PHIP: variants seen among roughly 807,000 people sequenced by gnomAD.
The protein encoded by PHIP is PHIP subunit of CUL4-Ring ligase complex.
A neutral mutation model predicts 236.8 loss-of-function variants in PHIP; 54 were observed. The observed-to-expected ratio is 0.23, with a 90% CI of 0.18 to 0.29. The LOEUF is 0.29. Ranked by LOEUF, PHIP falls within the 10% of genes least tolerant of loss-of-function variation. The pLI, the probability that PHIP is intolerant of heterozygous loss-of-function variation, is 1.00. For synonymous variants in PHIP, 756 were observed against 718.9 expected (o/e 1.05, Z -0.83); for missense variants, 1,370 against 2,190.8 (o/e 0.63, Z 7.48).
chr6:78,955,481 G>GTT, intron 33 of PHIP, 132 bp downstream of exon 33: 23 of 453,302 alleles, frequency 5.1e-5, no homozygotes, highest in South Asian at 7.5e-5. Context: ...ACTGCCAGTT[G>GTT]TTTTTTTTTT....
At position 78,943,422 on chromosome 6, in the gene PHIP, G is replaced by A. The variant is rs552933722; in HGVS notation, c.4828+1878C>T. Among the ~76,000 whole-genome samples, 9 of 152,070 alleles carry A rather than the reference G, an allele frequency of 5.9e-5. No individual in the cohort carries two copies. The South Asian group carries it at 1.9e-3, about 32-fold the overall frequency. ...TCATCATATATATTTGATTTCTCTAGGATTCATGAATAAAAAGAAGCAAGG... is the reference window on the plus strand; with the variant it reads ...TCATCATATATATTTGATTTCTCTAAGATTCATGAATAAAAAGAAGCAAGG... On this transcript the variant is annotated intron_variant, in intron 39 of 39. Transcript: ENST00000275034.
chr6:78,957,263 CTT>C (rs1766479911), intron 32 of PHIP: 1 of 151,896 alleles, frequency 6.6e-6, no homozygotes, highest in Non-Finnish European at 1.5e-5. Context: ...TACTGATTCT[CTT>C]TGAAAAAACA....
intron 7 of PHIP, among the ~76,000 whole-genome samples, chr6:79,039,703 GA>G (rs1437114474): frequency 6.6e-6 from 1 of 152,012 alleles, no homozygotes; most frequent in African/African-American, 2.4e-5. Flanking sequence ...GAAAAGGGGG[GA>G]AAACTCTGCT....
intron 32 of PHIP, chr6:78,958,090 A>C (rs1766544169): frequency 6.3e-6 from 1 of 158,738 alleles, no homozygotes; most frequent in African/African-American, 2.4e-5. Flanking sequence ...CCAGATAATT[A>C]TCTCTTCCAC....
chr6:79,065,787 C>CAA (rs2127776161), intron 4 of PHIP, among the ~76,000 whole-genome samples: 1 of 151,820 alleles, frequency 6.6e-6, no homozygotes, highest in African/African-American at 2.4e-5. Context: ...CACACACACA[C>CAA]ACACACACAC....
chr6:79,024,476 C>T (rs982530883), intron 9 of PHIP, among the ~76,000 whole-genome samples: 1 of 152,082 alleles, frequency 6.6e-6, no homozygotes, highest in African/African-American at 2.4e-5. Context: ...GGAGCAAATA[C>T]ACTATTTCCT....
In PHIP at chr6:78,969,873, T is replaced by C; in HGVS notation, c.3167A>G (p.Gln1056Arg). ...CCTGTATTTTGCATCATCAAATTGTTGTCTCAAGACTAGGAAATCTATAAC... is the reference window on the plus strand; with the variant it reads ...CCTGTATTTTGCATCATCAAATTGTCGTCTCAAGACTAGGAAATCTATAAC... ...PDVIDFLVLR[Q>R]QFDDAKYRRW... The change falls in exon 27 of 40, where the codon CAA (glutamine) becomes CGA (arginine). Residue 1056 changes from glutamine (Q) to arginine (R), a missense_variant. Physicochemically the swap from Gln to Arg is conservative, Grantham distance 43. This residue lies in a region of PHIP where 238 missense variants were observed against 398.5 expected (regional missense o/e 0.60). Transcript: ENST00000275034. The C allele has an allele frequency of 6.3e-7, 1 of 1,597,246 alleles. No individual in the cohort carries two copies. The highest frequency in any genetic ancestry group is 8.6e-7 in the Non-Finnish European group (1 of 1,167,460).
Position 79,055,545 on chromosome 6 carries a change from A to C in PHIP, c.439+4933T>G, listed in dbSNP as rs185336852. On this transcript the variant is annotated intron_variant, in intron 6 of 39. Coordinates refer to ENST00000275034, the MANE Select transcript of PHIP (RefSeq NM_017934.7). ...CACTCACATCTCTCTTCCACAATAA[A>C]AGAATCACAAGCTAGTAATAACAAC... 2.0e-5 allele frequency among the ~76,000 whole-genome samples: 3 copies of C among 152,314 alleles called. No individual in the cohort carries two copies. In the East Asian group the frequency reaches 5.8e-4, roughly 29 times the overall value.
intron 24 of PHIP, among the ~76,000 whole-genome samples, chr6:78,973,851 T>C (rs1351291332): frequency 1.3e-5 from 2 of 151,618 alleles, no homozygotes; most frequent in African/African-American, 2.4e-5. Flanking sequence ...ATGCACCCAA[T>C]ACAGGAGCAC....
At chr6:79,023,896 A>G (rs370290702) in intron 9 of PHIP, among the ~76,000 whole-genome samples, 17 of 152,324 alleles carry the variant, frequency 1.1e-4, no homozygotes, top group African/African-American at 4.1e-4. Flanking sequence ...TTCTTCTCTA[A>G]AACAATAAGA....
In PHIP at chr6:79,026,174, A is replaced by G. The variant is rs771026454; in HGVS notation, c.601-10T>C. Reference sequence around the variant, plus strand: ...GACAGTCATCAGAACCCTTAAAGTAAGAATGGATATTAATAGAATTAACCC... The same window carrying G: ...GACAGTCATCAGAACCCTTAAAGTAGGAATGGATATTAATAGAATTAACCC... On this transcript the variant is annotated splice_polypyrimidine_tract_variant and intron_variant, in intron 7 of 39. Coordinates refer to ENST00000275034, the MANE Select transcript of PHIP (RefSeq NM_017934.7). 2 of 1,575,232 alleles carry G rather than the reference A, an allele frequency of 1.3e-6. No homozygotes were observed. The highest frequency in any genetic ancestry group is 2.2e-5 in the East Asian group (1 of 44,722).
intron 29 of PHIP, among the ~76,000 whole-genome samples, chr6:78,965,470 T>C (rs1482336044): frequency 1.3e-5 from 2 of 152,202 alleles, no homozygotes; most frequent in African/African-American, 2.4e-5. Context: ...AACAATTTCA[T>C]GTTTTGCTGT....
chr6:78,937,209 G>C lies in PHIP; in HGVS notation c.*3484C>G, dbSNP rs1773303219. Reference sequence around the variant, plus strand: ...ATTCAGAATATATCCGTTTTCATTAGATAGAAAACTGAAAAAGTTGCTTCT... The same window carrying C: ...ATTCAGAATATATCCGTTTTCATTACATAGAAAACTGAAAAAGTTGCTTCT... On this transcript the variant is annotated 3_prime_UTR_variant, in exon 40 of 40. Transcript: ENST00000275034. 6.6e-6 allele frequency: 1 copy of C among 151,606 alleles called. No individual in the cohort carries two copies. Among genetic ancestry groups the C allele is most frequent in the Non-Finnish European group, 1.5e-5 (1 of 67,654 alleles). 9.4% of individuals were successfully genotyped at this position (151,606 alleles called of 1,614,324 possible). A position where few individuals can be genotyped will look rare whatever the true frequency, so the allele number is the denominator to read the frequency against.
intron 15 of PHIP, among the ~76,000 whole-genome samples, chr6:79,007,060 T>C (rs1440784841): frequency 6.6e-6 from 1 of 152,060 alleles, no homozygotes; most frequent in Non-Finnish European, 1.5e-5. Flanking sequence ...TCATACTGAC[T>C]AAAGAATTCT....
chr6:78,990,195 C>G (rs1257688314), intron 20 of PHIP, among the ~76,000 whole-genome samples: 1 of 152,094 alleles, frequency 6.6e-6, no homozygotes, highest in Non-Finnish European at 1.5e-5. Flanking sequence ...TTCACATAGG[C>G]TTCCTCAATT....
At chr6:79,019,481 T>C (rs894787269) in intron 9 of PHIP, among the ~76,000 whole-genome samples, 5 of 152,122 alleles carry the variant, frequency 3.3e-5, no homozygotes, top group Non-Finnish European at 5.9e-5. Flanking sequence ...TCATATAGAA[T>C]AGCAACGTAC....
rs1773253264 is a variant in PHIP, at chr6:78,935,821, C to CA, written c.*4871dup. ...ATGTACTAAGTGCTTTATGTGATGC[C>CA]AAAAAACTTTAAAAAGCAAATAATA... On this transcript the variant is annotated 3_prime_UTR_variant, in exon 40 of 40. Coordinates refer to ENST00000275034, the MANE Select transcript of PHIP (RefSeq NM_017934.7). 1.3e-5 allele frequency: 11 copies of CA among 846,074 alleles called. No individual in the cohort carries two copies. The African/African-American group carries it at 1.5e-4, about 11-fold the overall frequency. 52.4% of individuals were successfully genotyped at this position (846,074 alleles called of 1,614,324 possible).
At chr6:78,950,262 T>A (rs1259951681) in intron 35 of PHIP, among the ~76,000 whole-genome samples, 2 of 152,244 alleles carry the variant, frequency 1.3e-5, no homozygotes, top group African/African-American at 4.8e-5. Flanking sequence ...AATCATTTTT[T>A]AATATATTCC....
intron 27 of PHIP, among the ~76,000 whole-genome samples, chr6:78,969,386 G>A (rs1234172779): frequency 6.6e-6 from 1 of 152,140 alleles, no homozygotes; most frequent in East Asian, 1.9e-4. Flanking sequence ...TGCACCTTAA[G>A]TGCCTGAAAA....
Sources: allele counts gnomAD v4.1 joint callset (sites outside exome capture counted in the v4.1 genomes callset), GRCh38; gene constraint gnomAD v4.1.1; regional missense constraint gnomAD v4.1.1; transcripts MANE v1.5; gene names NCBI Gene and HGNC (gene_info 2026-07-23, HGNC 2026-07-21).